Variants in FAM163B observed in about 807,000 individuals in gnomAD.
The protein encoded by FAM163B is family with sequence similarity 163 member B, also known as protein FAM163B.
In FAM163B, 4 loss-of-function variants were observed where a neutral mutation model predicts 7.6. That is an observed-to-expected ratio of 0.52 (90% CI 0.26 to 1.20). The LOEUF (loss-of-function observed/expected upper bound fraction) is 1.20, where lower values mean the gene tolerates loss of function less well. Ranked by LOEUF, FAM163B falls within the 50% of genes most tolerant of loss-of-function variation. FAM163B has a pLI of 0.14. For synonymous variants in FAM163B, 120 were observed against 111.6 expected (o/e 1.07, Z -0.47); for missense variants, 250 against 243.0 (o/e 1.03, Z -0.19).
At chr9:133,593,174 G>C (rs1442187078) in intron 1 of FAM163B, among the ~76,000 whole-genome samples, 1 of 152,188 alleles carries the variant, frequency 6.6e-6, no homozygotes, top group Admixed American at 6.5e-5. Context: ...TGCCCATTCT[G>C]CAGATGAGCA....
intron 2 of FAM163B, 34 bp from the exon 3 acceptor site, chr9:133,579,463 C>G (rs1195092435): frequency 6.5e-7 from 1 of 1,530,016 alleles, no homozygotes; most frequent in Non-Finnish European, 8.8e-7. Context: ...ATGCGGCCGC[C>G]CGCTCCCACC....
intron 1 of FAM163B, among the ~76,000 whole-genome samples, chr9:133,605,182 GCTCTTCTCCCAGT>G: frequency 6.6e-6 from 1 of 152,352 alleles, no homozygotes; most frequent in Middle Eastern, 3.4e-3. Context: ...TTTCGCTAGG[GCTCTTCTCCCAGT>G]CTGCTGGCTG....
intron 1 of FAM163B, among the ~76,000 whole-genome samples, chr9:133,587,099 C>T (rs1831450835): frequency 1.3e-5 from 2 of 152,234 alleles, no homozygotes; most frequent in African/African-American, 4.8e-5. Flanking sequence ...AATGGAAAAG[C>T]CGACCGGACA....
intron 1 of FAM163B, among the ~76,000 whole-genome samples, chr9:133,596,651 A>G (rs7872246): frequency 0.66 from 99,620 of 152,038 alleles, 33,992 homozygotes; most frequent in African/African-American, 0.85. Flanking sequence ...CCTGAGTTGC[A>G]GAGAGAGATG....
intron 1 of FAM163B, among the ~76,000 whole-genome samples, chr9:133,598,963 G>A (rs1831671301): frequency 6.6e-6 from 1 of 152,104 alleles, no homozygotes; most frequent in African/African-American, 2.4e-5. Context: ...GGCAGATGGA[G>A]GGGAAGGATG....
At chr9:133,604,612 A>AG (rs1340335643) in intron 1 of FAM163B, among the ~76,000 whole-genome samples, 4 of 152,202 alleles carry the variant, frequency 2.6e-5, no homozygotes, top group African/African-American at 9.6e-5. Context: ...TGAAGGAGAC[A>AG]GTCACCCTTG....
Position 133,579,394 on chromosome 9 carries a change from G to T in FAM163B, c.129C>A (p.Asp43Glu), listed in dbSNP as rs944544634. The T allele has an allele frequency of 6.2e-7, 1 of 1,608,936 alleles. No individual in the cohort carries two copies. The highest frequency in any genetic ancestry group is 1.3e-5 in the African/African-American group (1 of 74,886). The change falls in exon 3 of 3, where the codon GAC (aspartate) becomes GAA (glutamate). Residue 43 changes from aspartate (D) to glutamate (E), a missense_variant. By Grantham distance (45) the Asp-to-Glu change is conservative. Coordinates refer to ENST00000673969, the MANE Select transcript of FAM163B (RefSeq NM_001080515.3). ...YCCKKDESEEDEEEPDFAVHS... is the reference protein window; with the variant it reads ...YCCKKDESEEEEEEPDFAVHS... ...GAACGGCGAAGTCTGGTTCCTCCTC[G>T]TCCTCCTCCGACTCGTCCTTCTTGC...
In FAM163B at chr9:133,579,446, G is replaced by A. The variant is rs1010710480; in HGVS notation, c.94-17C>T. The A allele has an allele frequency of 1.7e-4, 274 of 1,570,386 alleles. 4 individuals carry two copies. The East Asian group carries it at 4.7e-3, about 27-fold the overall frequency. On this transcript the variant is annotated splice_polypyrimidine_tract_variant and intron_variant, in intron 2 of 2. Coordinates refer to ENST00000673969, the MANE Select transcript of FAM163B (RefSeq NM_001080515.3). ...GCAGTAGTACTGCGGGCAGAGGGAC[G>A]GTGACCATGCGGCCGCCCGCTCCCA...
At chr9:133,607,915 C>T (rs912971631) in intron 1 of FAM163B, among the ~76,000 whole-genome samples, 2 of 152,222 alleles carry the variant, frequency 1.3e-5, no homozygotes, top group Non-Finnish European at 2.9e-5. Context: ...CCAGGAAGTG[C>T]TGGTTCTCAC....
At chr9:133,585,195 G>C (rs923144229) in intron 1 of FAM163B, among the ~76,000 whole-genome samples, 2 of 152,190 alleles carry the variant, frequency 1.3e-5, no homozygotes, top group East Asian at 3.9e-4. Flanking sequence ...CTGCGGCACC[G>C]GCACCGAGGA....
intron 1 of FAM163B, among the ~76,000 whole-genome samples, chr9:133,589,892 C>G (rs1831511173): frequency 6.6e-6 from 1 of 151,312 alleles, no homozygotes; most frequent in African/African-American, 2.4e-5. Context: ...AGCCGTGGGT[C>G]AGGAAATGGG....
intron 1 of FAM163B, among the ~76,000 whole-genome samples, chr9:133,605,151 T>C (rs1482334452): frequency 6.6e-6 from 1 of 152,098 alleles, no homozygotes; most frequent in Non-Finnish European, 1.5e-5. Context: ...CTGCGTGGGG[T>C]GGAGCTGGCC....
rs1035477832 is a variant in FAM163B, at chr9:133,606,772, C to T, written c.-24+2305G>A. On this transcript the variant is annotated intron_variant, in intron 1 of 2. Coordinates refer to ENST00000673969, the MANE Select transcript of FAM163B (RefSeq NM_001080515.3). This position sits in a 1 kb window ranked among gnomAD's most constrained non-coding sequence, Gnocchi z 4.0. ...TGCTGCTCTGCCTCCCCTCCTGCCCCGAGAGTTTAGAGTCAGAGGTAATTG... is the reference window on the plus strand; with the variant it reads ...TGCTGCTCTGCCTCCCCTCCTGCCCTGAGAGTTTAGAGTCAGAGGTAATTG... Among the ~76,000 whole-genome samples, 1 of 152,292 alleles carries T rather than the reference C, an allele frequency of 6.6e-6. No individual in the cohort carries two copies. The highest frequency in any genetic ancestry group is 1.9e-4 in the East Asian group (1 of 5,182).
rs3025322 is a variant in FAM163B, at chr9:133,601,134, G to A, written c.-24+7943C>T. Among the ~76,000 whole-genome samples, 19,603 of 152,082 alleles carry A rather than the reference G, an allele frequency of 0.13. 1,659 individuals are homozygous for A. Among genetic ancestry groups the A allele is most frequent in the South Asian group, 0.32 (1,523 of 4,814 alleles). On this transcript the variant is annotated intron_variant, in intron 1 of 2. Transcript: ENST00000673969. The surrounding 1 kb of genome is among the most constrained non-coding windows in gnomAD (Gnocchi z 4.1). The stretch of plus-strand genomic sequence containing the variant: ...TCCCTCACTCTACTCACTCCTCCTG[G>A]AGCCCTGAACACCCACTGCCCCATA...
At chr9:133,598,264 G>A (rs1308893525) in intron 1 of FAM163B, among the ~76,000 whole-genome samples, 1 of 152,080 alleles carries the variant, frequency 6.6e-6, no homozygotes, top group African/African-American at 2.4e-5. Context: ...GGGGACCCCA[G>A]TCCCTTGGGC....
chr9:133,586,094 G>C (rs6422852), intron 1 of FAM163B: 38,649 of 152,156 alleles, frequency 0.25, 5,105 homozygotes, highest in East Asian at 0.42. Flanking sequence ...AGATGCCTGC[G>C]TTCAGTAATA....
At chr9:133,599,536 T>C (rs1442344415) in intron 1 of FAM163B, among the ~76,000 whole-genome samples, 1 of 152,104 alleles carries the variant, frequency 6.6e-6, no homozygotes, top group African/African-American at 2.4e-5. Context: ...TGTGTCTGTG[T>C]GCATGTGTTG....
Position 133,579,031 on chromosome 9 carries a change from G to C in FAM163B, c.492C>G (p.Thr164=). ...CGGGGGCGGGCCCAGGTCACACGTC[G>C]GTGCTGATGCTGCGGCTCCTGGCGA... is the stretch of plus-strand genomic sequence containing the variant. The part of the protein sequence containing the change: ...EAFARSRSIS[T]DV The change falls in exon 3 of 3, where the codon ACC becomes ACG. Residue 164 remains threonine (T), a synonymous_variant. Transcript: ENST00000673969. 6.5e-7 allele frequency: 1 copy of C among 1,543,940 alleles called. No individual in the cohort carries two copies. Among genetic ancestry groups the C allele is most frequent in the East Asian group, 2.4e-5 (1 of 42,076 alleles).
At chr9:133,593,861 C>G (rs1278520902) in intron 1 of FAM163B, among the ~76,000 whole-genome samples, 4 of 152,228 alleles carry the variant, frequency 2.6e-5, no homozygotes, top group Non-Finnish European at 5.9e-5. Flanking sequence ...TGGCGCCTCA[C>G]TGGCCTCTCC....
Sources: gnomAD v4.1 joint callset for allele counts (sites outside exome capture counted in the v4.1 genomes callset) on GRCh38, gnomAD v4.1.1 for gene constraint, Gnocchi (gnomAD v3.1) non-coding constraint, MANE v1.5 for transcripts, NCBI Gene and HGNC (gene_info 2026-07-23, HGNC 2026-07-21) for gene names.